The following SMG6 variants were observed in gnomAD, a reference collection of about 807,000 sequenced individuals.
The protein encoded by SMG6 is SMG6 nonsense mediated mRNA decay factor, also known as telomerase-binding protein EST1A.
A neutral mutation model predicts 142.2 loss-of-function variants in SMG6; 66 were observed. The observed-to-expected ratio is 0.46, with a 90% CI of 0.38 to 0.57. SMG6 has a LOEUF of 0.57. Ranked by LOEUF, SMG6 falls within the 20% of genes least tolerant of loss-of-function variation. The pLI, the probability that SMG6 is intolerant of heterozygous loss-of-function variation, is 0.00. For missense variants in SMG6, 1,793 were observed against 1,832.0 expected (o/e 0.98, Z 0.39); for synonymous variants, 779 against 702.4 (o/e 1.11, Z -1.72).
intron 18 of SMG6, chr17:2,063,306 TCC>T (rs2067838898): frequency 6.6e-6 from 1 of 152,370 alleles, no homozygotes; most frequent in South Asian, 2.1e-4. Context: ...TCCGCCATAA[TCC>T]ACATGATTTT....
chr17:2,086,976 C>A, intron 13 of SMG6: 1 of 1,281,666 alleles, frequency 7.8e-7, no homozygotes, highest in South Asian at 1.2e-5. Flanking sequence ...TCCTCACTGA[C>A]TAGCCCCTGC....
At chr17:2,268,525 C>T (rs751826514) in intron 8 of SMG6, among the ~76,000 whole-genome samples, 2 of 152,152 alleles carry the variant, frequency 1.3e-5, no homozygotes, top group Non-Finnish European at 2.9e-5. Context: ...GTAATCCCAA[C>T]ACTTTGGGAG....
At chr17:2,237,585 T>TC in intron 9 of SMG6, 2 of 985,294 alleles carry the variant, frequency 2.0e-6, no homozygotes, top group Non-Finnish European at 2.4e-6. Flanking sequence ...CTGTATGTTT[T>TC]CAGGCCAGTG....
intron 13 of SMG6, among the ~76,000 whole-genome samples, chr17:2,124,503 A>G (rs977680805): frequency 6.6e-6 from 1 of 152,170 alleles, no homozygotes; most frequent in Non-Finnish European, 1.5e-5. Context: ...GTCGTAACAG[A>G]GTGTTTATAT....
At chr17:2,249,657 G>T (rs1017379579) in intron 8 of SMG6, among the ~76,000 whole-genome samples, 119 of 152,266 alleles carry the variant, frequency 7.8e-4, no homozygotes, top group African/African-American at 2.9e-3. Context: ...CACCTAGATG[G>T]TTCTCGGTCA....
At chr17:2,214,985 G>A (rs2151754240) in intron 10 of SMG6, among the ~76,000 whole-genome samples, 2 of 152,308 alleles carry the variant, frequency 1.3e-5, no homozygotes, top group East Asian at 3.8e-4. Context: ...GAAAAACACA[G>A]CAGCCAATGC....
intron 10 of SMG6, chr17:2,216,054 G>A (rs1373272967): frequency 6.6e-6 from 1 of 152,262 alleles, no homozygotes; most frequent in Non-Finnish European, 1.5e-5. Flanking sequence ...GAGTGCAGAT[G>A]TTCCCCGCAG....
intron 8 of SMG6, 193 bp from the exon 9 acceptor site, chr17:2,244,912 A>G: frequency 1.7e-6 from 1 of 589,758 alleles, no homozygotes; most frequent in South Asian, 2.0e-5. Flanking sequence ...AGCTGAGCCA[A>G]GATGACAACA....
chr17:2,090,638 G>C (rs992202549), intron 13 of SMG6, among the ~76,000 whole-genome samples: 1 of 152,192 alleles, frequency 6.6e-6, no homozygotes, highest in Non-Finnish European at 1.5e-5. Context: ...TTTTGGTTTG[G>C]AGAAATCGGA....
At chr17:2,150,736 G>A (rs955918610) in intron 13 of SMG6, among the ~76,000 whole-genome samples, 4 of 152,184 alleles carry the variant, frequency 2.6e-5, no homozygotes, top group Admixed American at 1.3e-4. Flanking sequence ...CCTATACAAA[G>A]TATGACTCTA....
intron 13 of SMG6, among the ~76,000 whole-genome samples, chr17:2,105,604 C>T (rs1413810642): frequency 6.6e-6 from 1 of 151,950 alleles, no homozygotes; most frequent in African/African-American, 2.4e-5. Context: ...GCCTAAAGGC[C>T]CTCAGGACAG....
At chr17:2,230,136 A>G (rs988759786) in intron 10 of SMG6, among the ~76,000 whole-genome samples, 1 of 130,554 alleles carries the variant, frequency 7.7e-6, no homozygotes, top group African/African-American at 2.8e-5. Flanking sequence ...CAGTGAGCTG[A>G]GATCGTGCCA....
intron 15 of SMG6, among the ~76,000 whole-genome samples, chr17:2,080,206 G>GTC (rs1319086950): frequency 1.3e-5 from 2 of 152,040 alleles, no homozygotes; most frequent in African/African-American, 4.8e-5. Context: ...ATCACCTGAG[G>GTC]TCAGGAGTTC....
intron 12 of SMG6, among the ~76,000 whole-genome samples, chr17:2,173,728 A>T (rs925463456): frequency 6.6e-6 from 1 of 151,848 alleles, no homozygotes; most frequent in African/African-American, 2.4e-5. Flanking sequence ...GCTCTCCTTA[A>T]TTGAAATTTC....
At chr17:2,271,867 G>A (rs963884143) in intron 8 of SMG6, among the ~76,000 whole-genome samples, 1 of 152,118 alleles carries the variant, frequency 6.6e-6, no homozygotes, top group South Asian at 2.1e-4. Context: ...ATGCCTAAGT[G>A]CATTGTCTAA....
chr17:2,081,593 C>T (rs1208170166), intron 15 of SMG6, among the ~76,000 whole-genome samples: 1 of 152,068 alleles, frequency 6.6e-6, no homozygotes, highest in South Asian at 2.1e-4. Context: ...CTGAGAAGAC[C>T]GTACCCCTGC....
rs566170282 is a variant in SMG6, at chr17:2,209,608, C to T, written c.2870-21093G>A. ...TGAACTCCTGGCCTCACGTGATCTGCCCACCTTGGCCTCCCAAACTGCTAG... is the reference window on the plus strand; with the variant it reads ...TGAACTCCTGGCCTCACGTGATCTGTCCACCTTGGCCTCCCAAACTGCTAG... On this transcript the variant is annotated intron_variant, in intron 10 of 18. Coordinates refer to ENST00000263073, the MANE Select transcript of SMG6 (RefSeq NM_017575.5). Among the ~76,000 whole-genome samples, 4 of 152,266 alleles carry T rather than the reference C, an allele frequency of 2.6e-5. No homozygotes were observed. The East Asian group carries it at 7.7e-4, about 29-fold the overall frequency.
chr17:2,283,233 T>C (rs1489947768), intron 7 of SMG6, among the ~76,000 whole-genome samples: 1 of 152,186 alleles, frequency 6.6e-6, no homozygotes, highest in Non-Finnish European at 1.5e-5. Context: ...GAGAAAAGCC[T>C]CACCTCACCG....
At chr17:2,142,881 ACT>A (rs1312706600) in intron 13 of SMG6, among the ~76,000 whole-genome samples, 5 of 118,534 alleles carry the variant, frequency 4.2e-5, no homozygotes, top group Non-Finnish European at 6.8e-5. Flanking sequence ...AGAGCAAAAC[ACT>A]GTCTCAAAAA....
Sources: gnomAD v4.1 joint callset for allele counts (sites outside exome capture counted in the v4.1 genomes callset) on GRCh38, gnomAD v4.1.1 for gene constraint, MANE v1.5 for transcripts, NCBI Gene and HGNC (gene_info 2026-07-23, HGNC 2026-07-21) for gene names.